PDE5A: variants seen among roughly 807,000 people sequenced by gnomAD.
The protein encoded by PDE5A is phosphodiesterase 5A.
In PDE5A, 67 loss-of-function variants were observed where a neutral mutation model predicts 110.2. The ratio of observed to expected loss-of-function variants is 0.61; its 90% CI spans 0.50 to 0.75. The LOEUF (loss-of-function observed/expected upper bound fraction) is 0.75, where lower values mean the gene tolerates loss of function less well. Among genes scored for constraint, PDE5A ranks in the 30% least tolerant of loss-of-function variants. The probability of loss-of-function intolerance (pLI) is 0.00; values close to 1 mark genes in which losing one functional copy is unlikely to be tolerated. For synonymous variants in PDE5A, 328 were observed against 351.2 expected (o/e 0.93, Z 0.74); for missense variants, 862 against 1,045.1 (o/e 0.82, Z 2.42).
At chr4:119,504,676 A>T in intron 17 of PDE5A, 77 bp from the exon 18 acceptor site, 1 of 1,169,492 alleles carries the variant, frequency 8.6e-7, no homozygotes, top group Non-Finnish European at 1.2e-6. Flanking sequence ...AGTTACTAAT[A>T]AAAAAAAGTT....
At chr4:119,617,554 T>G (rs1468474274) in intron 1 of PDE5A, among the ~76,000 whole-genome samples, 1 of 152,178 alleles carries the variant, frequency 6.6e-6, no homozygotes, top group Non-Finnish European at 1.5e-5. Flanking sequence ...TTAAAATATT[T>G]TATAAGGTTT....
chr4:119,556,554 G>C (rs1393848849), intron 7 of PDE5A, among the ~76,000 whole-genome samples: 1 of 152,156 alleles, frequency 6.6e-6, no homozygotes, highest in Non-Finnish European at 1.5e-5. Flanking sequence ...TCTTGTTTAA[G>C]CTATTTTTAT....
chr4:119,578,864 T>C (rs1425614818), intron 3 of PDE5A, among the ~76,000 whole-genome samples: 1 of 152,170 alleles, frequency 6.6e-6, no homozygotes, highest in Non-Finnish European at 1.5e-5. Context: ...AAAGAGCTTC[T>C]GCACAGCAAA....
intron 3 of PDE5A, among the ~76,000 whole-genome samples, chr4:119,593,490 A>G (rs1729050313): frequency 6.6e-6 from 1 of 152,210 alleles, no homozygotes; most frequent in Non-Finnish European, 1.5e-5. Context: ...AAAAGACCAC[A>G]TACTGTATGA....
At chr4:119,616,513 A>T (rs1729948387) in intron 1 of PDE5A, among the ~76,000 whole-genome samples, 1 of 152,200 alleles carries the variant, frequency 6.6e-6, no homozygotes, top group African/African-American at 2.4e-5. Context: ...GATTTAATAT[A>T]AAAATCAGTG....
chr4:119,592,715 G>T (rs1560631782), intron 3 of PDE5A, among the ~76,000 whole-genome samples: 1 of 152,006 alleles, frequency 6.6e-6, no homozygotes, highest in African/African-American at 2.4e-5. Flanking sequence ...GGAGCATTTT[G>T]GATTTTCAAA....
At position 119,496,379 on chromosome 4, in the gene PDE5A, T is replaced by C. The variant is rs905998164; in HGVS notation, c.*2222A>G. On this transcript the variant is annotated 3_prime_UTR_variant, in exon 21 of 21. Transcript: ENST00000354960. ...GTACTCTGCTTTGTATGAACTAAAA[T>C]ATCCAACAAAGAAATAAAATAGGCA... 1.3e-5 allele frequency: 2 copies of C among 152,124 alleles called. No individual in the cohort carries two copies. The highest frequency in any genetic ancestry group is 4.8e-5 in the African/African-American group (2 of 41,474). 9.4% of individuals were successfully genotyped at this position (152,124 alleles called of 1,614,324 possible).
At chr4:119,622,193 G>T (rs1328434662) in intron 1 of PDE5A, among the ~76,000 whole-genome samples, 2 of 150,110 alleles carry the variant, frequency 1.3e-5, no homozygotes, top group African/African-American at 4.9e-5. Flanking sequence ...AAAAAGAAAA[G>T]AAAAATGAGA....
chr4:119,508,328 C>T (rs1366446986), intron 15 of PDE5A, among the ~76,000 whole-genome samples: 1 of 152,028 alleles, frequency 6.6e-6, no homozygotes, highest in Admixed American at 6.6e-5. Flanking sequence ...AAAGTTTTCA[C>T]TATGTAACCA....
At chr4:119,565,239 T>A in intron 5 of PDE5A, 82 bp downstream of exon 5, 1 of 876,044 alleles carries the variant, frequency 1.1e-6, no homozygotes, top group Non-Finnish European at 1.8e-6. Flanking sequence ...AAATTTTTAA[T>A]CATCTGCATA....
chr4:119,592,456 TAAAAAAAAAA>T (rs55997249), intron 3 of PDE5A, among the ~76,000 whole-genome samples: 7 of 66,184 alleles, frequency 1.1e-4, no homozygotes, highest in South Asian at 6.1e-4. Context: ...AGACTCTGTT[TAAAAAAAAAA>T]AAAAAAAAAA....
In PDE5A at chr4:119,573,469, C is replaced by T. The variant is rs118042756; in HGVS notation, c.832-6325G>A. Among the ~76,000 whole-genome samples, 203 of 152,272 alleles carry T rather than the reference C, an allele frequency of 1.3e-3. 1 individual carries two copies. In the East Asian group the frequency reaches 0.033, roughly 25 times the overall value. ...ATCTTTTTTATTGTTATTGGCTAAG[C>T]TGGTATCCTCTTCTGTATTGCCTAT... is the stretch of plus-strand genomic sequence containing the variant. On this transcript the variant is annotated intron_variant, in intron 3 of 20. Coordinates refer to ENST00000354960, the MANE Select transcript of PDE5A (RefSeq NM_001083.4).
At chr4:119,518,000 A>G (rs1725977504) in intron 14 of PDE5A, among the ~76,000 whole-genome samples, 1 of 152,186 alleles carries the variant, frequency 6.6e-6, no homozygotes, top group African/African-American at 2.4e-5. Context: ...TCAAGAGGAA[A>G]CAGCCAGACT....
chr4:119,605,793 A>G (rs1273938158), intron 2 of PDE5A, among the ~76,000 whole-genome samples: 3 of 152,134 alleles, frequency 2.0e-5, no homozygotes, highest in African/African-American at 4.8e-5. Flanking sequence ...AATTCAACCA[A>G]TATTTACTAA....
At position 119,560,287 on chromosome 4, in the gene PDE5A, T is replaced by C; in HGVS notation, c.1199+9A>G. 1 of 1,518,758 alleles carries C rather than the reference T, an allele frequency of 6.6e-7. No homozygotes were observed. Among genetic ancestry groups the C allele is most frequent in the Non-Finnish European group, 9.0e-7 (1 of 1,106,664 alleles). The allele number at this position is 1,518,758 out of a possible 1,614,324, so 94.1% of individuals were successfully genotyped here. On this transcript the variant is annotated intron_variant, in intron 7 of 20. Transcript: ENST00000354960. ...GTGATAAAGACAAGTAGAGAATACG[T>C]GCTTTTACCTTGTTAATGTATCAGA...
intron 5 of PDE5A, among the ~76,000 whole-genome samples, chr4:119,563,187 A>G (rs1192334525): frequency 6.6e-6 from 1 of 152,178 alleles, no homozygotes; most frequent in Non-Finnish European, 1.5e-5. Flanking sequence ...AGCCAGAGTA[A>G]TCAGTTTTTA....
At chr4:119,538,800 T>C (rs1726818556) in intron 11 of PDE5A, 160 bp downstream of exon 11, 1 of 669,432 alleles carries the variant, frequency 1.5e-6, no homozygotes, top group Non-Finnish European at 2.7e-6. Context: ...CAGTATAAGT[T>C]ATTTAATGCC....
Position 119,605,980 on chromosome 4 carries a change from C to T in PDE5A, c.741+729G>A, listed in dbSNP as rs73842675. Among the ~76,000 whole-genome samples the T allele has an allele frequency of 2.8e-3, 427 of 152,214 alleles. 3 individuals are homozygous for T. Among genetic ancestry groups the T allele is most frequent in the African/African-American group, 9.6e-3 (399 of 41,530 alleles). Reference sequence around the variant, plus strand: ...AGATACCTCATAAACATATAAAGTGCCATTCAGTTAAGATGCTTGGTTTTA... The same window carrying T: ...AGATACCTCATAAACATATAAAGTGTCATTCAGTTAAGATGCTTGGTTTTA... On this transcript the variant is annotated intron_variant, in intron 2 of 20. Transcript: ENST00000354960.
intron 1 of PDE5A, among the ~76,000 whole-genome samples, chr4:119,614,898 C>G (rs766514449): frequency 3.9e-5 from 6 of 152,110 alleles, no homozygotes; most frequent in Non-Finnish European, 8.8e-5. Flanking sequence ...CATTTTATCC[C>G]TGATAAAACA....
Sources: allele counts gnomAD v4.1 joint callset (sites outside exome capture counted in the v4.1 genomes callset), GRCh38; gene constraint gnomAD v4.1.1; transcripts MANE v1.5; gene names NCBI Gene and HGNC (gene_info 2026-07-23, HGNC 2026-07-21).